MAF: variants seen among roughly 807,000 people sequenced by gnomAD.
MAF encodes the protein transcription factor Maf.
MAF carries 10 observed loss-of-function variants against 22.0 expected under a neutral mutation model. That is an observed-to-expected ratio of 0.45 (90% CI 0.28 to 0.77). The LOEUF is 0.77. Among genes scored for constraint, MAF ranks in the 30% least tolerant of loss-of-function variants. The probability of loss-of-function intolerance (pLI) is 0.12; values close to 1 mark genes in which losing one functional copy is unlikely to be tolerated. For missense variants in MAF, 544 were observed against 548.4 expected (o/e 0.99, Z 0.08); for synonymous variants, 337 against 255.8 (o/e 1.32, Z -3.03).
the MAF span, among the ~76,000 whole-genome samples, chr16:79,574,813 G>A: frequency 6.6e-6 from 1 of 152,098 alleles, no homozygotes; most frequent in African/African-American, 2.4e-5. Context: ...AACTAGGAAG[G>A]GCAGATGAAG....
the MAF span, among the ~76,000 whole-genome samples, chr16:79,490,509 T>C: frequency 2.0e-5 from 3 of 152,180 alleles, no homozygotes; most frequent in East Asian, 3.9e-4. Context: ...TGCAACTCAC[T>C]GCAGCCTTTA....
chr16:79,499,809 G>A, the MAF span, among the ~76,000 whole-genome samples: 1 of 152,124 alleles, frequency 6.6e-6, no homozygotes, highest in Non-Finnish European at 1.5e-5. Context: ...AAAAGACAAA[G>A]ACACTTCCCC....
chr16:79,478,566 G>A, the MAF span, among the ~76,000 whole-genome samples: 3 of 152,080 alleles, frequency 2.0e-5, no homozygotes, highest in Non-Finnish European at 4.4e-5. Context: ...TTATTTATAG[G>A]ATCTTGTACC....
At chr16:79,316,682 G>T in the MAF span, among the ~76,000 whole-genome samples, 1 of 152,120 alleles carries the variant, frequency 6.6e-6, no homozygotes, top group Non-Finnish European at 1.5e-5. Context: ...TGTTACTGGG[G>T]GAAGGATGAA....
the MAF span, among the ~76,000 whole-genome samples, chr16:79,253,580 T>C: frequency 4.6e-4 from 70 of 152,138 alleles, no homozygotes; most frequent in Admixed American, 4.6e-3. Context: ...TGTGTGTATG[T>C]GCATGCGGGA....
chr16:79,459,433 C>G, the MAF span, among the ~76,000 whole-genome samples: 2 of 152,136 alleles, frequency 1.3e-5, no homozygotes, highest in Admixed American at 6.6e-5. Flanking sequence ...AGTACTATTT[C>G]TGGATTGTTT....
At chr16:79,355,324 C>A in the MAF span, among the ~76,000 whole-genome samples, 1 of 152,164 alleles carries the variant, frequency 6.6e-6, no homozygotes, top group South Asian at 2.1e-4. Context: ...CAGGAGGAAC[C>A]CCAGGTCAGA....
At chr16:79,314,816 C>A in the MAF span, among the ~76,000 whole-genome samples, 1 of 152,178 alleles carries the variant, frequency 6.6e-6, no homozygotes. Flanking sequence ...ACTTCCTTCC[C>A]TTCCTAGAAG....
At chr16:79,317,002 A>T in the MAF span, among the ~76,000 whole-genome samples, 1 of 152,168 alleles carries the variant, frequency 6.6e-6, no homozygotes, top group Non-Finnish European at 1.5e-5. Flanking sequence ...TAGAGAAATG[A>T]AAATGCATTA....
At chr16:79,210,801 TC>T in the MAF span, among the ~76,000 whole-genome samples, 1 of 152,146 alleles carries the variant, frequency 6.6e-6, no homozygotes. Flanking sequence ...TGATGCCTCA[TC>T]ACTGCACACG....
At chr16:79,584,402 C>G (rs1225947821), downstream of MAF, among the ~76,000 whole-genome samples, 3 of 152,182 alleles carry the variant, frequency 2.0e-5, no homozygotes, top group Non-Finnish European at 4.4e-5. Flanking sequence ...TTGTCCTTCT[C>G]CTCCCCAGAT....
chr16:79,379,073 T>G, the MAF span, among the ~76,000 whole-genome samples: 85 of 152,364 alleles, frequency 5.6e-4, no homozygotes, highest in African/African-American at 2.0e-3. Flanking sequence ...TTTTTAAAGA[T>G]CAAGAGTCAG....
the MAF span, among the ~76,000 whole-genome samples, chr16:79,570,918 G>C: frequency 6.6e-6 from 1 of 152,190 alleles, no homozygotes; most frequent in Non-Finnish European, 1.5e-5. Flanking sequence ...GCACTTAACA[G>C]ATGCCGCCTG....
At chr16:79,416,988 A>G in the MAF span, among the ~76,000 whole-genome samples, 1 of 152,236 alleles carries the variant, frequency 6.6e-6, no homozygotes, top group East Asian at 1.9e-4. Context: ...TATTCAAGTT[A>G]GAAACATGGA....
chr16:79,541,260 G>C, the MAF span, among the ~76,000 whole-genome samples: 4 of 152,154 alleles, frequency 2.6e-5, no homozygotes, highest in Non-Finnish European at 4.4e-5. Flanking sequence ...ACACATTCCA[G>C]ATTTAAGGGA....
the MAF span, among the ~76,000 whole-genome samples, chr16:79,250,657 C>T: frequency 3.9e-5 from 6 of 152,150 alleles, no homozygotes; most frequent in African/African-American, 4.8e-5. Flanking sequence ...AGGTCTGAGG[C>T]TCCTGAACAC....
At chr16:79,564,695 CCAGA>C in the MAF span, among the ~76,000 whole-genome samples, 1 of 152,130 alleles carries the variant, frequency 6.6e-6, no homozygotes, top group African/African-American at 2.4e-5. Flanking sequence ...TCAGGTCTGC[CCAGA>C]CAGTGTGGCT....
the MAF span, among the ~76,000 whole-genome samples, chr16:79,353,797 GA>G: frequency 6.6e-6 from 1 of 151,866 alleles, no homozygotes; most frequent in Non-Finnish European, 1.5e-5. Flanking sequence ...CTCCCTGAAG[GA>G]AAAAAGAAAA....
At chr16:79,549,609 GA>G in the MAF span, among the ~76,000 whole-genome samples, 1 of 152,194 alleles carries the variant, frequency 6.6e-6, no homozygotes, top group African/African-American at 2.4e-5. Flanking sequence ...CCTCAGTGTG[GA>G]AACCTCCCTT....
Sources: allele counts gnomAD v4.1 joint callset (sites outside exome capture counted in the v4.1 genomes callset), GRCh38; gene constraint gnomAD v4.1.1; transcripts MANE v1.5; gene names NCBI Gene and HGNC (gene_info 2026-07-23, HGNC 2026-07-21).